Variants in TM7SF2 observed in about 807,000 individuals in gnomAD.
The protein encoded by TM7SF2 is delta(14)-sterol reductase TM7SF2.
Under a neutral mutation model 51.0 loss-of-function variants are expected in TM7SF2, and 51 were observed. The observed-to-expected ratio is 1.00, with a 90% CI of 0.80 to 1.26. The LOEUF is 1.26. TM7SF2 is among the 50% of genes most tolerant of loss of function. The probability of loss-of-function intolerance (pLI) is 0.00; values close to 1 mark genes in which losing one functional copy is unlikely to be tolerated. For synonymous variants in TM7SF2, 255 were observed against 241.0 expected (o/e 1.06, Z -0.54); for missense variants, 541 against 547.4 (o/e 0.99, Z 0.12).
Position 65,113,600 on chromosome 11 carries a change from T to C in TM7SF2, c.603+6T>C, listed in dbSNP as rs1947940778. ...GACCCGGCCTCATCGGCTGGGTATG[T>C]TGGGCTTGACTGAGCTGGCCTCAGG... On this transcript the variant is annotated splice_donor_region_variant and intron_variant, in intron 5 of 9. Transcript: ENST00000279263. 10 of 1,613,544 alleles carry C rather than the reference T, an allele frequency of 6.2e-6. No homozygotes were observed. Among genetic ancestry groups the C allele is most frequent in the Non-Finnish European group, 8.5e-6 (10 of 1,179,722 alleles).
Position 65,115,581 on chromosome 11 carries a change from C to G in TM7SF2, c.1079C>G (p.Ala360Gly). 1 of 1,614,056 alleles carries G rather than the reference C, an allele frequency of 6.2e-7. No homozygotes were observed. Among genetic ancestry groups the G allele is most frequent in the Non-Finnish European group, 8.5e-7 (1 of 1,180,016 alleles). ...NYLGDLIMALAWSLPCGVSHL... is the reference protein window; with the variant it reads ...NYLGDLIMALGWSLPCGVSHL... ...CTTGGAGACCTCATCATGGCTCTGG[C>G]TTGGTCCTTGCCCTGCGGTGAGTGG... is the stretch of plus-strand genomic sequence containing the variant. The change falls in exon 9 of 10, where the codon GCT (alanine) becomes GGT (glycine). Residue 360 changes from alanine to glycine, a missense_variant. Coordinates refer to ENST00000279263, the MANE Select transcript of TM7SF2 (RefSeq NM_003273.6).
In TM7SF2 at chr11:65,113,546, C is replaced by A. The variant is rs1345406377; in HGVS notation, c.555C>A (p.Phe185Leu). ...LGRELNPRIC[F>L]FDFKYFCELR... ...GAGAGCTCAACCCTCGTATCTGTTT[C>A]TTCGACTTCAAATATTTCTGTGAAC... Residue 185 changes from phenylalanine (F) to leucine (L), a missense_variant, in exon 5 of 10, where the codon TTC becomes TTA. Coordinates refer to ENST00000279263, the MANE Select transcript of TM7SF2 (RefSeq NM_003273.6). 1 of 1,614,192 alleles carries A rather than the reference C, an allele frequency of 6.2e-7. No individual in the cohort carries two copies. The highest frequency in any genetic ancestry group is 1.1e-5 in the South Asian group (1 of 91,086).
At chr11:65,113,679 C>G in intron 5 of TM7SF2, 85 bp downstream of exon 5, 1 of 1,151,422 alleles carries the variant, frequency 8.7e-7, no homozygotes, top group Non-Finnish European at 1.3e-6. Context: ...AGGGCCAAAA[C>G]TGTGCAGATG....
rs911409410 is a variant in TM7SF2 at position 65,113,485 on chromosome 11, C to A, written c.500-6C>A. 3 of 1,614,220 alleles carry A rather than the reference C, an allele frequency of 1.9e-6. No homozygotes were observed. Among genetic ancestry groups the A allele is most frequent in the Non-Finnish European group, 1.7e-6 (2 of 1,180,022 alleles). On this transcript the variant is annotated splice_region_variant and splice_polypyrimidine_tract_variant and intron_variant, in intron 4 of 9. Coordinates refer to ENST00000279263, the MANE Select transcript of TM7SF2 (RefSeq NM_003273.6). ...GCCTGTACATTCACTCTCCAATATTCTCCAGGCAATCCGATTTACGACTTT... is the reference window on the plus strand; with the variant it reads ...GCCTGTACATTCACTCTCCAATATTATCCAGGCAATCCGATTTACGACTTT...
chr11:65,115,871 CA>C (rs1441730970), intron 9 of TM7SF2, 21 bp from the exon 10 acceptor site: 1 of 1,613,806 alleles, frequency 6.2e-7, no homozygotes, highest in African/African-American at 1.3e-5. Context: ...GCAGGGTGGT[CA>C]CAGAGCCTCC....
chr11:65,112,454 C>T (rs1216919208), intron 1 of TM7SF2, 61 bp from the exon 2 acceptor site: 5 of 1,440,284 alleles, frequency 3.5e-6, no homozygotes, highest in Admixed American at 2.7e-5. Flanking sequence ...GGCGCCCGTG[C>T]GGGCCGGCGG....
At chr11:65,115,654 C>G (rs199503102) in intron 9 of TM7SF2, 56 bp downstream of exon 9, 10 of 1,610,958 alleles carry the variant, frequency 6.2e-6, no homozygotes, top group Non-Finnish European at 7.6e-6. Flanking sequence ...GGTGGCTCAG[C>G]GACCACAGGA....
At chr11:65,115,819 T>C (rs762742172) in intron 9 of TM7SF2, 74 bp from the exon 10 acceptor site, 9 of 1,602,620 alleles carry the variant, frequency 5.6e-6, no homozygotes, top group Non-Finnish European at 6.8e-6. Context: ...ACATGAGCCA[T>C]GAGGTGTGGA....
In TM7SF2 at chr11:65,112,798, C is replaced by T; in HGVS notation, c.250-13C>T. 1.3e-6 allele frequency: 2 copies of T among 1,550,268 alleles called. No individual in the cohort carries two copies. Among genetic ancestry groups the T allele is most frequent in the Non-Finnish European group, 1.7e-6 (2 of 1,146,856 alleles). On this transcript the variant is annotated splice_polypyrimidine_tract_variant and intron_variant, in intron 2 of 9. Coordinates refer to ENST00000279263, the MANE Select transcript of TM7SF2 (RefSeq NM_003273.6). ...ACGCCCCGGGCCTTATCAGAGCCCCCTTGGACCCGCAGGTGGCCGAGGGGC... is the reference window on the plus strand; with the variant it reads ...ACGCCCCGGGCCTTATCAGAGCCCCTTTGGACCCGCAGGTGGCCGAGGGGC...
At chr11:65,112,450 C>G (rs1590815710) in intron 1 of TM7SF2, 65 bp from the exon 2 acceptor site, 1 of 1,428,790 alleles carries the variant, frequency 7.0e-7, no homozygotes, top group South Asian at 1.4e-5. Flanking sequence ...TCAGGGCGCC[C>G]GTGCGGGCCG....
At chr11:65,114,587 G>A in intron 5 of TM7SF2, 126 bp from the exon 6 acceptor site, 1 of 1,201,978 alleles carries the variant, frequency 8.3e-7, no homozygotes, top group South Asian at 1.5e-5. Context: ...TCTGTCCTTG[G>A]GTCTAGGGCC....
chr11:65,111,921 C>T lies in TM7SF2; in HGVS notation c.-95C>T. On this transcript the variant is annotated 5_prime_UTR_variant, in exon 1 of 10. Transcript: ENST00000279263. Reference sequence around the variant, plus strand: ...TGCAGGCGCCGCGGGGCCGGATCCTCCGCGCGGCCGAGTCCATCTCCTGGG... The same window carrying T: ...TGCAGGCGCCGCGGGGCCGGATCCTTCGCGCGGCCGAGTCCATCTCCTGGG... 7.2e-7 allele frequency: 1 copy of T among 1,390,504 alleles called. No individual in the cohort carries two copies. Among genetic ancestry groups the T allele is most frequent in the South Asian group, 1.2e-5 (1 of 80,772 alleles). 86.1% of individuals were successfully genotyped at this position (1,390,504 alleles called of 1,614,324 possible).
chr11:65,114,588 G>T, intron 5 of TM7SF2, 125 bp from the exon 6 acceptor site: 1 of 1,221,854 alleles, frequency 8.2e-7, no homozygotes, highest in Non-Finnish European at 1.1e-6. Flanking sequence ...CTGTCCTTGG[G>T]TCTAGGGCCT....
intron 9 of TM7SF2, 32 bp downstream of exon 9, chr11:65,115,630 ATG>A: frequency 1.2e-6 from 2 of 1,612,348 alleles, no homozygotes; most frequent in East Asian, 4.5e-5. Flanking sequence ...GGGTAGGGAC[ATG>A]TGAGGGGAAG....
chr11:65,112,540 G>A lies in TM7SF2; in HGVS notation c.78G>A (p.Leu26=). Residue 26 remains leucine, a synonymous_variant, in exon 2 of 10, where the codon CTG becomes CTA. Transcript: ENST00000279263. ...GCGCCGCGGCTCTGCTACTGCTGCT[G>A]CCCGCCACCATGTTCCACCTGCTCC... is the stretch of plus-strand genomic sequence containing the variant. ...PLGAAALLLL[L]PATMFHLLLA... 3 of 1,532,534 alleles carry A rather than the reference G, an allele frequency of 2.0e-6. No homozygotes were observed. The highest frequency in any genetic ancestry group is 2.6e-6 in the Non-Finnish European group (3 of 1,149,242). 94.9% of individuals were successfully genotyped at this position (1,532,534 alleles called of 1,614,324 possible).
intron 9 of TM7SF2, 79 bp from the exon 10 acceptor site, chr11:65,115,814 A>T (rs752484564): frequency 1.2e-6 from 2 of 1,605,864 alleles, no homozygotes; most frequent in Admixed American, 3.3e-5. Flanking sequence ...TGCCCACATG[A>T]GCCATGAGGT....
intron 9 of TM7SF2, 80 bp from the exon 10 acceptor site, chr11:65,115,813 G>A (rs766636203): frequency 1.0e-5 from 16 of 1,606,842 alleles, no homozygotes; most frequent in Admixed American, 5.0e-5. Flanking sequence ...ATGCCCACAT[G>A]AGCCATGAGG....
At chr11:65,115,106 T>A in intron 7 of TM7SF2, 25 bp downstream of exon 7, 1 of 1,609,308 alleles carries the variant, frequency 6.2e-7, no homozygotes, top group South Asian at 1.1e-5. Flanking sequence ...GGCAGCAGGC[T>A]GGGCCCATCT....
At position 65,112,635 on chromosome 11, in the gene TM7SF2, G is replaced by A. The variant is rs1209878998; in HGVS notation, c.173G>A (p.Trp58Ter). 2 of 1,533,356 alleles carry A rather than the reference G, an allele frequency of 1.3e-6. No individual in the cohort carries two copies. Among genetic ancestry groups the A allele is most frequent in the Non-Finnish European group, 1.8e-6 (2 of 1,142,564 alleles). The allele number at this position is 1,533,356 out of a possible 1,614,324, so 95.0% of individuals were successfully genotyped here. ...TCCCTGCCGGGGCTGGAGGTGCTGT[G>A]GAGCCCACGGGCGCTGCTGCTGTGG... ...PASLPGLEVL[W>*]SPRALLLWLA... The change falls in exon 2 of 10, where the codon TGG becomes TAG. Residue 58 changes from tryptophan (W) to a stop codon, truncating the protein, a stop_gained. Coordinates refer to ENST00000279263, the MANE Select transcript of TM7SF2 (RefSeq NM_003273.6). LOFTEE classifies it high-confidence loss of function.
Sources: allele counts gnomAD v4.1 joint callset, GRCh38; gene constraint gnomAD v4.1.1; transcripts MANE v1.5; gene names NCBI Gene and HGNC (gene_info 2026-07-23, HGNC 2026-07-21).